Variants in LATS2 observed in about 807,000 individuals in gnomAD.
The protein encoded by LATS2 is large tumor suppressor kinase 2, also known as serine/threonine-protein kinase LATS2.
Under a neutral mutation model 76.0 loss-of-function variants are expected in LATS2, and 24 were observed. The ratio of observed to expected loss-of-function variants is 0.32; its 90% confidence interval spans 0.23 to 0.44. The LOEUF (loss-of-function observed/expected upper bound fraction) is 0.44. LATS2 is among the 20% of genes least tolerant of loss of function. The pLI, the probability that LATS2 is intolerant of heterozygous loss-of-function variation, is 1.00. For synonymous variants in LATS2, 692 were observed against 635.4 expected (o/e 1.09, Z -1.34); for missense variants, 1,286 against 1,481.2 (o/e 0.87, Z 2.16).
chr13:20,981,113 C>G (rs973866780), intron 6 of LATS2, among the ~76,000 whole-genome samples: 1 of 152,184 alleles, frequency 6.6e-6, no homozygotes, highest in Non-Finnish European at 1.5e-5. Flanking sequence ...AAAGCTAGAG[C>G]CCGGAAATGT....
chr13:21,025,124 T>G (rs928780795), intron 2 of LATS2, among the ~76,000 whole-genome samples: 1 of 151,378 alleles, frequency 6.6e-6, no homozygotes, highest in Non-Finnish European at 1.5e-5. Flanking sequence ...TTTAATGAGG[T>G]ATAATTTATG....
At chr13:21,009,892 C>T (rs1871514165) in intron 2 of LATS2, among the ~76,000 whole-genome samples, 1 of 152,106 alleles carries the variant, frequency 6.6e-6, no homozygotes, top group South Asian at 2.1e-4. Context: ...ACAGTGAGAG[C>T]AGACAGCAAG....
chr13:21,022,004 G>A lies in LATS2; in HGVS notation c.342+23681C>T, dbSNP rs374629084. ...AGGAGCTGATTTTTTTTTTGTGACTGAACTGAAAGTATAGTGGGCCCTGGG... is the reference window on the plus strand; with the variant it reads ...AGGAGCTGATTTTTTTTTTGTGACTAAACTGAAAGTATAGTGGGCCCTGGG... On this transcript the variant is annotated intron_variant, in intron 2 of 7. Transcript: ENST00000382592. Among the ~76,000 whole-genome samples, 240 of 151,896 alleles carry A rather than the reference G, an allele frequency of 1.6e-3. 1 individual carries two copies. The highest frequency in any genetic ancestry group is 5.2e-3 in the African/African-American group (217 of 41,480).
intron 2 of LATS2, among the ~76,000 whole-genome samples, chr13:21,010,952 T>G (rs1206556878): frequency 6.6e-6 from 1 of 152,256 alleles, no homozygotes; most frequent in African/African-American, 2.4e-5. Flanking sequence ...ACTCCTTAGA[T>G]TCTCTGGAAT....
Position 20,975,102 on chromosome 13 carries a change from T to C in LATS2, c.3035A>G (p.Asn1012Ser). ...CTTGGTGCTACCTTCGCTGGCATCG[T>C]TCCAAGGGCTTTCTTCATCTACGGG... The part of the protein sequence containing the change: ...FDPVDEESPW[N>S]DASEGSTKAW... Residue 1012 changes from asparagine (N) to serine (S), a missense_variant, in exon 8 of 8, where the codon AAC becomes AGC. Asn to Ser is a conservative substitution (Grantham distance 46). Coordinates refer to ENST00000382592, the MANE Select transcript of LATS2 (RefSeq NM_014572.3). 6.2e-7 allele frequency: 1 copy of C among 1,614,202 alleles called. No individual in the cohort carries two copies. Among genetic ancestry groups the C allele is most frequent in the Non-Finnish European group, 8.5e-7 (1 of 1,180,042 alleles).
intron 2 of LATS2, among the ~76,000 whole-genome samples, chr13:21,024,276 TAAAA>T (rs976342366): frequency 6.7e-6 from 1 of 149,346 alleles, no homozygotes; most frequent in Non-Finnish European, 1.5e-5. Flanking sequence ...CTACTAAAAA[TAAAA>T]AAAAATTAGC....
intron 3 of LATS2, among the ~76,000 whole-genome samples, chr13:20,990,887 A>G (rs1249693257): frequency 6.6e-6 from 1 of 152,184 alleles, no homozygotes; most frequent in South Asian, 2.1e-4. Flanking sequence ...AGAATTGAGG[A>G]AAGAAGCCAC....
chr13:21,015,695 A>T (rs753522258), intron 2 of LATS2, among the ~76,000 whole-genome samples: 2 of 152,024 alleles, frequency 1.3e-5, no homozygotes, highest in Non-Finnish European at 2.9e-5. Flanking sequence ...TTCATCCCTC[A>T]TTTTATTTAT....
chr13:21,019,646 TTTG>T (rs1871966026), intron 2 of LATS2, among the ~76,000 whole-genome samples: 1 of 118,766 alleles, frequency 8.4e-6, no homozygotes, highest in Non-Finnish European at 1.7e-5. Flanking sequence ...TCCAGCTGGA[TTTG>T]TTATTATTTT....
At chr13:21,037,085 A>T (rs1336153596) in intron 2 of LATS2, among the ~76,000 whole-genome samples, 1 of 152,234 alleles carries the variant, frequency 6.6e-6, no homozygotes, top group African/African-American at 2.4e-5. Context: ...CTATTTGAAC[A>T]ATGGAATACA....
intron 2 of LATS2, chr13:21,005,758 T>G (rs1401595878): frequency 6.7e-6 from 1 of 149,464 alleles, no homozygotes; most frequent in Non-Finnish European, 1.5e-5. Context: ...GAACTATGAT[T>G]GTGCCACTGC....
chr13:20,998,737 A>C (rs993650148), intron 2 of LATS2, among the ~76,000 whole-genome samples: 1 of 138,578 alleles, frequency 7.2e-6, no homozygotes, highest in African/African-American at 2.7e-5. Flanking sequence ...AGGCCTTGTC[A>C]ATGCGGGGCG....
intron 2 of LATS2, among the ~76,000 whole-genome samples, chr13:21,012,104 C>T (rs1302265055): frequency 1.3e-5 from 2 of 152,070 alleles, no homozygotes; most frequent in African/African-American, 4.8e-5. Context: ...TGTTGCACAG[C>T]CTGAGATTGT....
At chr13:21,047,589 CAA>C (rs1287454384) in intron 1 of LATS2, among the ~76,000 whole-genome samples, 1 of 151,900 alleles carries the variant, frequency 6.6e-6, no homozygotes, top group Non-Finnish European at 1.5e-5. Flanking sequence ...ACAACTGATC[CAA>C]AAAGAGTACC....
intron 2 of LATS2, among the ~76,000 whole-genome samples, chr13:21,019,529 G>C (rs1871956817): frequency 7.2e-6 from 1 of 139,432 alleles, no homozygotes; most frequent in South Asian, 2.3e-4. Context: ...TTTTAGTAGA[G>C]ACAGGGTTTC....
intron 2 of LATS2, among the ~76,000 whole-genome samples, chr13:21,000,990 T>C (rs955238490): frequency 6.6e-6 from 1 of 152,210 alleles, no homozygotes; most frequent in Non-Finnish European, 1.5e-5. Flanking sequence ...AGCATGACAA[T>C]AACATGCTTA....
At chr13:21,026,035 G>C (rs1316124225) in intron 2 of LATS2, among the ~76,000 whole-genome samples, 2 of 152,170 alleles carry the variant, frequency 1.3e-5, no homozygotes, top group Admixed American at 1.3e-4. Context: ...ACCTCTGAAA[G>C]CACTGGCCAT....
intron 1 of LATS2, among the ~76,000 whole-genome samples, chr13:21,056,615 C>A (rs1156659406): frequency 1.3e-5 from 2 of 152,254 alleles, no homozygotes; most frequent in East Asian, 1.9e-4. Context: ...GGTTCTCAAT[C>A]GTTAAGAAAG....
intron 2 of LATS2, among the ~76,000 whole-genome samples, chr13:21,013,775 G>A (rs1257035229): frequency 6.6e-6 from 1 of 152,066 alleles, no homozygotes; most frequent in Admixed American, 6.6e-5. Flanking sequence ...AGGCCATCCT[G>A]GGCAACACAG....
Sources: gnomAD v4.1 joint callset for allele counts (sites outside exome capture counted in the v4.1 genomes callset) on GRCh38, gnomAD v4.1.1 for gene constraint, MANE v1.5 for transcripts, NCBI Gene and HGNC (gene_info 2026-07-23, HGNC 2026-07-21) for gene names.